PPARGC1A: variants seen among roughly 807,000 people sequenced by gnomAD.
PPARGC1A encodes peroxisome proliferator-activated receptor gamma coactivator 1-alpha.
In PPARGC1A, 25 loss-of-function variants were observed where a neutral mutation model predicts 88.7. The ratio of observed to expected loss-of-function variants is 0.28; its 90% CI spans 0.21 to 0.39. PPARGC1A has a LOEUF of 0.39. Among genes scored for constraint, PPARGC1A ranks in the 10% least tolerant of loss-of-function variants. The pLI is 1.00. For synonymous variants in PPARGC1A, 363 were observed against 355.6 expected (o/e 1.02, Z -0.24); for missense variants, 880 against 968.7 (o/e 0.91, Z 1.22).
intron 7 of PPARGC1A, among the ~76,000 whole-genome samples, chr4:23,821,448 A>G (rs1215675086): frequency 6.6e-6 from 1 of 151,924 alleles, no homozygotes; most frequent in African/African-American, 2.4e-5. Context: ...CAAAAGCAGT[A>G]TTTGTTCAAT....
chr4:24,436,721 G>A, the PPARGC1A span, among the ~76,000 whole-genome samples: 3 of 135,670 alleles, frequency 2.2e-5, no homozygotes, highest in Non-Finnish European at 4.7e-5. Context: ...AGCTGACATC[G>A]ATTGGCCACC....
At chr4:24,124,264 T>C in the PPARGC1A span, among the ~76,000 whole-genome samples, 112,524 of 152,146 alleles carry the variant, frequency 0.74, 41,774 homozygotes, top group Non-Finnish European at 0.76. Flanking sequence ...GCAAATACAC[T>C]AGTCAGAAGT....
chr4:24,046,894 C>T, the PPARGC1A span, among the ~76,000 whole-genome samples: 1,556 of 152,160 alleles, frequency 0.01, 14 homozygotes, highest in Middle Eastern at 0.027. Flanking sequence ...TAGCAAATGG[C>T]GGGCCCATGA....
chr4:23,844,506 A>ATAAT (rs1560426940), intron 2 of PPARGC1A, among the ~76,000 whole-genome samples: 1 of 16,830 alleles, frequency 5.9e-5, no homozygotes, highest in Non-Finnish European at 1.4e-4. Context: ...TATATAATAT[A>ATAAT]ATAATATAAT....
At chr4:24,036,716 G>A in the PPARGC1A span, among the ~76,000 whole-genome samples, 2 of 151,968 alleles carry the variant, frequency 1.3e-5, no homozygotes, top group Non-Finnish European at 2.9e-5. Context: ...AACCTCAGGG[G>A]GTGATTGCCA....
chr4:24,096,065 G>A, the PPARGC1A span, among the ~76,000 whole-genome samples: 1 of 152,160 alleles, frequency 6.6e-6, no homozygotes, highest in African/African-American at 2.4e-5. Flanking sequence ...GGAGGTGATT[G>A]GATCATGGAG....
intron 2 of PPARGC1A, among the ~76,000 whole-genome samples, chr4:23,864,567 G>A (rs965532623): frequency 1.3e-5 from 2 of 152,218 alleles, no homozygotes; most frequent in African/African-American, 2.4e-5. Context: ...AAATGATGGA[G>A]GAAGATGGTG....
intron 2 of PPARGC1A, among the ~76,000 whole-genome samples, chr4:23,869,655 A>G (rs979374988): frequency 4.1e-5 from 5 of 122,776 alleles, no homozygotes; most frequent in Non-Finnish European, 8.0e-5. Context: ...AGAGTCTCCA[A>G]AGGAAAATGG....
At chr4:24,457,400 T>C in the PPARGC1A span, among the ~76,000 whole-genome samples, 1 of 151,650 alleles carries the variant, frequency 6.6e-6, no homozygotes, top group Non-Finnish European at 1.5e-5. Flanking sequence ...ATATGAGCTT[T>C]ATTTTTCACA....
intron 2 of PPARGC1A, among the ~76,000 whole-genome samples, chr4:23,879,516 T>C (rs2148815280): frequency 6.6e-6 from 1 of 152,196 alleles, no homozygotes; most frequent in East Asian, 1.9e-4. Flanking sequence ...CTTTGGAATA[T>C]CTTTGAGTTA....
chr4:23,976,234 A>T, the PPARGC1A span, among the ~76,000 whole-genome samples: 1 of 152,188 alleles, frequency 6.6e-6, no homozygotes, highest in East Asian at 1.9e-4. Context: ...ATAAAGAAGG[A>T]TCCTAAAACC....
At chr4:24,313,938 G>A in the PPARGC1A span, among the ~76,000 whole-genome samples, 4 of 152,170 alleles carry the variant, frequency 2.6e-5, no homozygotes, top group African/African-American at 4.8e-5. Context: ...ACAAGAAGTT[G>A]TAAACTTCTA....
chr4:24,142,454 C>T, the PPARGC1A span, among the ~76,000 whole-genome samples: 1 of 151,724 alleles, frequency 6.6e-6, no homozygotes, highest in Admixed American at 6.6e-5. Context: ...AGGCGGATCG[C>T]TTTGAGCTCA....
chr4:23,974,843 GA>G, the PPARGC1A span, among the ~76,000 whole-genome samples: 1 of 96,452 alleles, frequency 1.0e-5, no homozygotes, highest in Non-Finnish European at 2.0e-5. Context: ...TTTTAGTAGA[GA>G]GGGGGTTTCA....
chr4:24,205,340 C>T, the PPARGC1A span, among the ~76,000 whole-genome samples: 1 of 152,098 alleles, frequency 6.6e-6, no homozygotes, highest in Non-Finnish European at 1.5e-5. Flanking sequence ...TCAATATATA[C>T]TTTTTCGATG....
the PPARGC1A span, among the ~76,000 whole-genome samples, chr4:24,224,553 T>G: frequency 6.6e-6 from 1 of 152,184 alleles, no homozygotes; most frequent in Non-Finnish European, 1.5e-5. Context: ...CGTTCACTCA[T>G]TCTGAAAATA....
the PPARGC1A span, among the ~76,000 whole-genome samples, chr4:23,987,045 T>C: frequency 2.6e-4 from 40 of 152,052 alleles, 1 homozygote; most frequent in Admixed American, 2.6e-3. Context: ...AGGCTTACTT[T>C]CCATTATAAA....
chr4:24,038,194 A>G, the PPARGC1A span, among the ~76,000 whole-genome samples: 1 of 152,162 alleles, frequency 6.6e-6, no homozygotes, highest in Admixed American at 6.5e-5. Context: ...GAGCAAAATA[A>G]CATAAAGTGC....
At chr4:24,345,258 G>A in the PPARGC1A span, among the ~76,000 whole-genome samples, 2 of 127,980 alleles carry the variant, frequency 1.6e-5, no homozygotes, top group African/African-American at 3.3e-5. Flanking sequence ...GGTTCCATAC[G>A]AATTTTAGAA....
Sources: allele counts gnomAD v4.1 joint callset (sites outside exome capture counted in the v4.1 genomes callset), GRCh38; gene constraint gnomAD v4.1.1; transcripts MANE v1.5; gene names NCBI Gene and HGNC (gene_info 2026-07-23, HGNC 2026-07-21).